Variants in DPYD observed in about 807,000 individuals in gnomAD.
The protein encoded by DPYD is dihydropyrimidine dehydrogenase [NADP(+)].
A neutral mutation model predicts 116.2 loss-of-function variants in DPYD; 109 were observed. The ratio of observed to expected loss-of-function variants is 0.94; its 90% CI spans 0.80 to 1.10. DPYD has a LOEUF of 1.10. Ranked by LOEUF, DPYD falls within the 50% of genes least tolerant of loss-of-function variation. DPYD has a pLI of 0.00. For synonymous variants in DPYD, 440 were observed against 432.0 expected (o/e 1.02, Z -0.23); for missense variants, 1,302 against 1,254.5 (o/e 1.04, Z -0.57).
At chr1:97,532,717 C>G (rs1010707191) in intron 12 of DPYD, among the ~76,000 whole-genome samples, 1 of 151,590 alleles carries the variant, frequency 6.6e-6, no homozygotes, top group African/African-American at 2.4e-5. Flanking sequence ...TGTAATGTCT[C>G]CTGTTTCATT....
At chr1:97,100,532 C>T (rs113404923) in intron 20 of DPYD, among the ~76,000 whole-genome samples, 9 of 152,022 alleles carry the variant, frequency 5.9e-5, no homozygotes, top group Non-Finnish European at 8.8e-5. Context: ...CCATGAAAAT[C>T]GGAACCATTA....
At chr1:97,265,514 T>TGA (rs1664172118) in intron 18 of DPYD, 1 of 152,186 alleles carries the variant, frequency 6.6e-6, no homozygotes, top group African/African-American at 2.4e-5. Flanking sequence ...AATGGATAAA[T>TGA]AATTGAATCA....
intron 19 of DPYD, among the ~76,000 whole-genome samples, chr1:97,195,849 C>T (rs879846710): frequency 7.3e-5 from 11 of 150,638 alleles, no homozygotes; most frequent in African/African-American, 1.7e-4. Context: ...TTAAGTCAGG[C>T]GCTGCAGAAA....
intron 3 of DPYD, among the ~76,000 whole-genome samples, chr1:97,746,163 T>C (rs566032919): frequency 6.6e-6 from 1 of 152,112 alleles, no homozygotes; most frequent in Non-Finnish European, 1.5e-5. Context: ...TGACTTGTCC[T>C]AAATCTTCCT....
At chr1:97,360,611 A>C (rs1004741359) in intron 16 of DPYD, among the ~76,000 whole-genome samples, 1 of 152,244 alleles carries the variant, frequency 6.6e-6, no homozygotes, top group Admixed American at 6.5e-5. Flanking sequence ...TGTCTCTCAG[A>C]CCACAGTGCA....
chr1:97,781,705 CT>C (rs1666758811), intron 3 of DPYD, among the ~76,000 whole-genome samples: 1 of 152,106 alleles, frequency 6.6e-6, no homozygotes, highest in Admixed American at 6.6e-5. Context: ...TTCTTAGCAG[CT>C]TTAAATGATA....
chr1:97,080,062 G>C (rs879545556), intron 22 of DPYD, among the ~76,000 whole-genome samples: 4 of 152,014 alleles, frequency 2.6e-5, no homozygotes, highest in African/African-American at 9.7e-5. Flanking sequence ...GAAGTTACAG[G>C]ATTTCTATCT....
chr1:97,173,041 G>A (rs1034061075), intron 20 of DPYD, among the ~76,000 whole-genome samples: 10 of 151,880 alleles, frequency 6.6e-5, no homozygotes, highest in East Asian at 3.9e-4. Context: ...GAATGGTTAC[G>A]GGCACAATGT....
intron 16 of DPYD, among the ~76,000 whole-genome samples, chr1:97,346,896 G>A (rs532650528): frequency 3.6e-4 from 54 of 151,944 alleles, no homozygotes; most frequent in South Asian, 8.3e-4. Flanking sequence ...TATGTTAAGT[G>A]CTTAGAACAA....
intron 13 of DPYD, among the ~76,000 whole-genome samples, chr1:97,498,921 T>C (rs1040741946): frequency 1.3e-5 from 2 of 151,726 alleles, no homozygotes; most frequent in Non-Finnish European, 3.0e-5. Context: ...GAAATATTTT[T>C]TCTTAAAAGT....
intron 18 of DPYD, among the ~76,000 whole-genome samples, chr1:97,256,111 G>A (rs1011151400): frequency 6.6e-6 from 1 of 152,116 alleles, no homozygotes; most frequent in African/African-American, 2.4e-5. Flanking sequence ...AAAAGTTGAA[G>A]GCCTATGGTT....
chr1:97,268,762 A>G (rs1184728972), intron 18 of DPYD, among the ~76,000 whole-genome samples: 1 of 152,112 alleles, frequency 6.6e-6, no homozygotes, highest in Non-Finnish European at 1.5e-5. Flanking sequence ...TCAATGTCCT[A>G]CCTAACTTGC....
chr1:97,256,868 T>C (rs1252254533), intron 18 of DPYD, among the ~76,000 whole-genome samples: 2 of 152,118 alleles, frequency 1.3e-5, no homozygotes, highest in Non-Finnish European at 2.9e-5. Flanking sequence ...GAACATATGA[T>C]GTAAAATCAT....
chr1:97,352,255 T>C (rs1670184810), intron 16 of DPYD, among the ~76,000 whole-genome samples: 1 of 152,346 alleles, frequency 6.6e-6, no homozygotes, highest in South Asian at 2.1e-4. Flanking sequence ...TTGGGAATGA[T>C]GGACATAACC....
chr1:97,674,417 A>G (rs1426857436), intron 8 of DPYD, among the ~76,000 whole-genome samples: 1 of 152,160 alleles, frequency 6.6e-6, no homozygotes, highest in Non-Finnish European at 1.5e-5. Context: ...AAGAACATAT[A>G]AAGTTTGATC....
At chr1:97,511,374 T>C (rs1344069730) in intron 13 of DPYD, among the ~76,000 whole-genome samples, 2 of 152,006 alleles carry the variant, frequency 1.3e-5, no homozygotes, top group Non-Finnish European at 2.9e-5. Context: ...ATATTACACA[T>C]GTCCAAGACA....
At chr1:97,476,733 A>G (rs138471800) in intron 13 of DPYD, among the ~76,000 whole-genome samples, 175 of 152,194 alleles carry the variant, frequency 1.1e-3, no homozygotes, top group African/African-American at 4.1e-3. Flanking sequence ...CAACAAAAAT[A>G]CTAAAAAAAA....
intron 3 of DPYD, among the ~76,000 whole-genome samples, chr1:97,809,861 C>T (rs939281673): frequency 7.2e-5 from 11 of 151,862 alleles, no homozygotes; most frequent in African/African-American, 2.4e-4. Flanking sequence ...CAAAGCGAGC[C>T]CAGAGACAAA....
At chr1:97,290,540 C>G (rs78918326) in intron 18 of DPYD, among the ~76,000 whole-genome samples, 1 of 151,572 alleles carries the variant, frequency 6.6e-6, no homozygotes, top group Admixed American at 6.6e-5. Flanking sequence ...CGCATATCTA[C>G]AACTATCTGA....
Sources: allele counts gnomAD v4.1 joint callset (sites outside exome capture counted in the v4.1 genomes callset), GRCh38; gene constraint gnomAD v4.1.1; transcripts MANE v1.5; gene names NCBI Gene and HGNC (gene_info 2026-07-23, HGNC 2026-07-21).